Variants in COL25A1 observed in about 807,000 individuals in gnomAD.
The protein encoded by COL25A1 is collagen type XXV alpha 1 chain.
In COL25A1, 103 loss-of-function variants were observed where a neutral mutation model predicts 128.4. That is an observed-to-expected ratio of 0.80 (90% CI 0.68 to 0.94). The LOEUF is 0.94. COL25A1 is among the 40% of genes least tolerant of loss of function. The probability of loss-of-function intolerance (pLI) is 0.00; values close to 1 mark genes in which losing one functional copy is unlikely to be tolerated. For synonymous variants in COL25A1, 279 were observed against 277.2 expected (o/e 1.01, Z -0.06); for missense variants, 745 against 840.0 (o/e 0.89, Z 1.40).
chr4:108,813,973 G>A, intron 37 of COL25A1, 44 bp from the exon 38 acceptor site: 1 of 1,492,136 alleles, frequency 6.7e-7, no homozygotes, highest in Non-Finnish European at 9.3e-7. Context: ...GGAATTAGTA[G>A]TCTTGAATTA....
rs187617996 is a variant in COL25A1, at chr4:108,910,470, A to G, written c.780+7702T>C. ...TGTATTACTTTCTTTATCTTTTCTGATTAAACTTAGAGGTAAACATTATAA... is the reference window on the plus strand; with the variant it reads ...TGTATTACTTTCTTTATCTTTTCTGGTTAAACTTAGAGGTAAACATTATAA... On this transcript the variant is annotated intron_variant, in intron 13 of 37. Coordinates refer to ENST00000399132, the MANE Select transcript of COL25A1 (RefSeq NM_198721.4). Among the ~76,000 whole-genome samples the G allele has an allele frequency of 3.5e-4, 54 of 152,294 alleles. No homozygotes were observed. In the East Asian group the frequency reaches 8.1e-3, roughly 23 times the overall value.
intron 5 of COL25A1, among the ~76,000 whole-genome samples, chr4:109,020,261 C>T (rs1008975338): frequency 6.6e-6 from 1 of 152,106 alleles, no homozygotes; most frequent in African/African-American, 2.4e-5. Flanking sequence ...GTTGTGCTAT[C>T]CTACAGGATA....
intron 31 of COL25A1, chr4:108,834,459 G>A: frequency 7.3e-7 from 1 of 1,368,144 alleles, no homozygotes; most frequent in Non-Finnish European, 1.0e-6. Context: ...ATTAGTATGA[G>A]GTACCGATGA....
At chr4:108,943,679 T>C (rs986259936) in intron 8 of COL25A1, among the ~76,000 whole-genome samples, 1 of 152,170 alleles carries the variant, frequency 6.6e-6, no homozygotes, top group Admixed American at 6.5e-5. Flanking sequence ...CAGGGAGAGA[T>C]GTTTTAGACA....
At chr4:109,106,748 A>C (rs1766470442) in intron 3 of COL25A1, among the ~76,000 whole-genome samples, 1 of 144,562 alleles carries the variant, frequency 6.9e-6, no homozygotes, top group South Asian at 2.2e-4. Context: ...TGTAATTCCC[A>C]ATATCCATTT....
intron 3 of COL25A1, among the ~76,000 whole-genome samples, chr4:109,253,518 T>C (rs1780803938): frequency 1.3e-5 from 2 of 152,168 alleles, no homozygotes; most frequent in Admixed American, 6.5e-5. Flanking sequence ...ACTCAGTCTA[T>C]GGAATTAACT....
chr4:109,010,368 G>A lies in COL25A1; in HGVS notation c.428C>T (p.Pro143Leu). 6.3e-7 allele frequency: 1 copy of A among 1,576,580 alleles called. No individual in the cohort carries two copies. The highest frequency in any genetic ancestry group is 8.6e-7 in the Non-Finnish European group (1 of 1,166,332). The stretch of plus-strand genomic sequence containing the variant: ...AAAGAATTACCTTACCTGAGGACCA[G>A]GCTGTCCCTGAAATTAAAAAGAAAA... ...RRGESGPPGQ[P>L]GPQGPPGPKG... Residue 143 changes from proline (P) to leucine (L), a missense_variant, in exon 6 of 38, where the codon CCT (proline) becomes CTT (leucine). By Grantham distance (98) the Pro-to-Leu change is moderately conservative. This residue lies in a region of COL25A1 where 319 missense variants were observed against 324.9 expected (regional missense o/e 0.98). Coordinates refer to ENST00000399132, the MANE Select transcript of COL25A1 (RefSeq NM_198721.4).
intron 3 of COL25A1, among the ~76,000 whole-genome samples, chr4:109,078,653 T>C (rs996432098): frequency 6.6e-6 from 1 of 152,222 alleles, no homozygotes; most frequent in Non-Finnish European, 1.5e-5. Context: ...AAATAGGTCT[T>C]ATAATATGCA....
At chr4:109,221,859 A>G (rs1354843724) in intron 3 of COL25A1, among the ~76,000 whole-genome samples, 2 of 152,216 alleles carry the variant, frequency 1.3e-5, no homozygotes, top group Non-Finnish European at 2.9e-5. Flanking sequence ...AAATAAATAA[A>G]TAAATAAAAT....
chr4:109,178,652 G>T (rs181787950), intron 3 of COL25A1, among the ~76,000 whole-genome samples: 12 of 151,848 alleles, frequency 7.9e-5, no homozygotes, highest in African/African-American at 2.9e-4. Flanking sequence ...GTGAAACCCC[G>T]TCTCTACTAA....
At chr4:109,230,053 G>A (rs1165098778) in intron 3 of COL25A1, among the ~76,000 whole-genome samples, 5 of 152,016 alleles carry the variant, frequency 3.3e-5, no homozygotes, top group African/African-American at 7.2e-5. Context: ...ACCATACTTC[G>A]TGAAAACTCA....
chr4:109,165,540 A>G (rs554142558), intron 3 of COL25A1, among the ~76,000 whole-genome samples: 27 of 152,184 alleles, frequency 1.8e-4, no homozygotes, highest in African/African-American at 6.5e-4. Flanking sequence ...ACATACTGAG[A>G]CCCAGTCTCT....
At chr4:109,197,929 A>G (rs745417237) in intron 3 of COL25A1, among the ~76,000 whole-genome samples, 6 of 152,144 alleles carry the variant, frequency 3.9e-5, no homozygotes, top group Admixed American at 6.6e-5. Flanking sequence ...ATATACATGC[A>G]ACTTTACTAT....
At chr4:109,014,297 ACT>A (rs1345525315) in intron 5 of COL25A1, among the ~76,000 whole-genome samples, 1 of 127,730 alleles carries the variant, frequency 7.8e-6, no homozygotes, top group Non-Finnish European at 1.6e-5. Flanking sequence ...ATAGAGTGAC[ACT>A]CTGTCTCAAA....
intron 8 of COL25A1, among the ~76,000 whole-genome samples, chr4:108,963,907 A>C (rs1278744898): frequency 6.6e-6 from 1 of 151,552 alleles, no homozygotes; most frequent in Admixed American, 6.6e-5. Flanking sequence ...TAAGGCATAC[A>C]TCCAGGGATA....
chr4:109,177,434 G>A (rs184334925), intron 3 of COL25A1, among the ~76,000 whole-genome samples: 16 of 152,280 alleles, frequency 1.1e-4, no homozygotes, highest in Admixed American at 8.5e-4. Context: ...AATATCTTGC[G>A]TTACTCCAGG....
At chr4:109,217,069 T>G (rs79636770) in intron 3 of COL25A1, among the ~76,000 whole-genome samples, 9,951 of 152,144 alleles carry the variant, frequency 0.065, 617 homozygotes, top group African/African-American at 0.16. Flanking sequence ...TCTCTTTTCT[T>G]AATTTTTAAT....
In COL25A1 at chr4:109,172,726, C is replaced by T. The variant is rs1443308463; in HGVS notation, c.368-122547G>A. ...TGCAATTCAGTTGAATAAACAGCATCCTAAAACCTCTTAAGCCTGAGAGTA... is the reference window on the plus strand; with the variant it reads ...TGCAATTCAGTTGAATAAACAGCATTCTAAAACCTCTTAAGCCTGAGAGTA... On this transcript the variant is annotated intron_variant, in intron 3 of 37. Coordinates refer to ENST00000399132, the MANE Select transcript of COL25A1 (RefSeq NM_198721.4). 3.3e-5 allele frequency among the ~76,000 whole-genome samples: 5 copies of T among 152,290 alleles called. No homozygotes were observed. In the South Asian group the frequency reaches 1.0e-3, roughly 32 times the overall value.
In COL25A1 at chr4:109,198,894, C is replaced by T. The variant is rs79627474; in HGVS notation, c.367+101689G>A. Among the ~76,000 whole-genome samples the T allele has an allele frequency of 8.5e-3, 1,301 of 152,242 alleles. 58 individuals carry two copies. In the South Asian group the frequency reaches 0.14, roughly 16 times the overall value. ...GCCAGGATAATACAGTACAGCTCTT[C>T]CTCTGAACACTAAACACTTCCCTGT... On this transcript the variant is annotated intron_variant, in intron 3 of 37. Transcript: ENST00000399132.
Sources: allele counts gnomAD v4.1 joint callset (sites outside exome capture counted in the v4.1 genomes callset), GRCh38; gene constraint gnomAD v4.1.1; regional missense constraint gnomAD v4.1.1; transcripts MANE v1.5; gene names NCBI Gene and HGNC (gene_info 2026-07-23, HGNC 2026-07-21).